Variants in WDR49 observed in about 807,000 individuals in gnomAD.
WDR49 encodes cilia- and flagella-associated protein 337.
In WDR49, 107 loss-of-function variants were observed where a neutral mutation model predicts 119.5. The ratio of observed to expected loss-of-function variants is 0.90; its 90% confidence interval spans 0.77 to 1.05. The LOEUF (loss-of-function observed/expected upper bound fraction) is 1.05, where lower values mean the gene tolerates loss of function less well. Among genes scored for constraint, WDR49 ranks in the 50% least tolerant of loss-of-function variants. The pLI is 0.00. For missense variants in WDR49, 1,240 were observed against 1,220.5 expected (o/e 1.02, Z -0.24); for synonymous variants, 425 against 418.8 (o/e 1.01, Z -0.18).
In WDR49 at chr3:167,643,382, G is replaced by T. The variant is rs538410409; in HGVS notation, c.165+9879C>A. ...AATCAGAAAATCCAGATAATGGGATGTTCTAAGTAACTGGCATGAATTCTT... is the reference window on the plus strand; with the variant it reads ...AATCAGAAAATCCAGATAATGGGATTTTCTAAGTAACTGGCATGAATTCTT... On this transcript the variant is annotated intron_variant, in intron 2 of 18. Transcript: ENST00000682715. Among the ~76,000 whole-genome samples the T allele has an allele frequency of 1.3e-3, 200 of 152,204 alleles. 2 individuals are homozygous for T. The highest frequency in any genetic ancestry group is 4.7e-3 in the African/African-American group (195 of 41,550).
At chr3:167,502,479 A>G (rs1751610587) in intron 17 of WDR49, among the ~76,000 whole-genome samples, 1 of 152,178 alleles carries the variant, frequency 6.6e-6, no homozygotes, top group African/African-American at 2.4e-5. Flanking sequence ...AGACAGGAAG[A>G]TGAGGGGAAT....
intron 7 of WDR49, among the ~76,000 whole-genome samples, chr3:167,595,623 A>G (rs1010582486): frequency 6.6e-5 from 10 of 152,346 alleles, no homozygotes; most frequent in Non-Finnish European, 1.5e-4. Flanking sequence ...TGGGGAAAGG[A>G]TTCCCTATTT....
chr3:167,645,948 G>A (rs1718102919), intron 2 of WDR49, among the ~76,000 whole-genome samples: 1 of 152,180 alleles, frequency 6.6e-6, no homozygotes, highest in Non-Finnish European at 1.5e-5. Flanking sequence ...AATCCCGCCT[G>A]CATGGTAAGA....
At chr3:167,657,625 G>A (rs1322746853), upstream of WDR49, among the ~76,000 whole-genome samples, 3 of 147,400 alleles carry the variant, frequency 2.0e-5, no homozygotes, top group East Asian at 6.0e-4. Flanking sequence ...CATTCACACT[G>A]AAGCCTGTTC....
chr3:167,565,380 T>TACAC (rs112641739), intron 8 of WDR49, among the ~76,000 whole-genome samples: 2,953 of 128,964 alleles, frequency 0.023, 45 homozygotes, highest in East Asian at 0.057. Context: ...CATATCTATC[T>TACAC]ACACACACAC....
At chr3:167,564,153 T>G (rs1713444099) in intron 8 of WDR49, among the ~76,000 whole-genome samples, 1 of 152,240 alleles carries the variant, frequency 6.6e-6, no homozygotes, top group Non-Finnish European at 1.5e-5. Flanking sequence ...TTTGTCACCT[T>G]TCTCTGCTTA....
At chr3:167,585,391 CGTGTGTGTGTGTGTGTGT>C (rs59424091) in intron 7 of WDR49, among the ~76,000 whole-genome samples, 1 of 137,388 alleles carries the variant, frequency 7.3e-6, no homozygotes, top group Admixed American at 7.4e-5. Context: ...TAAAAGGGTG[CGTGTGTGTGTGTGTGTGT>C]GTGTGTGTGT....
chr3:167,546,150 T>A (rs1444649688), intron 10 of WDR49, among the ~76,000 whole-genome samples: 1 of 151,866 alleles, frequency 6.6e-6, no homozygotes, highest in Non-Finnish European at 1.5e-5. Context: ...AAATTCAACA[T>A]CTAATGTCTT....
intron 7 of WDR49, among the ~76,000 whole-genome samples, chr3:167,595,317 C>T (rs1715359155): frequency 6.6e-6 from 1 of 152,244 alleles, no homozygotes; most frequent in Middle Eastern, 3.4e-3. Flanking sequence ...AGATTCAATG[C>T]CATCCCCATC....
chr3:167,480,904 G>C (rs1003262818), intron 18 of WDR49, among the ~76,000 whole-genome samples: 9 of 152,128 alleles, frequency 5.9e-5, no homozygotes, highest in African/African-American at 2.2e-4. Context: ...AGCTCTCTGG[G>C]ACCTGGTTTG....
chr3:167,576,183 T>C, intron 7 of WDR49, 32 bp from the exon 8 acceptor site: 1 of 1,582,116 alleles, frequency 6.3e-7, no homozygotes, highest in Non-Finnish European at 8.6e-7. Context: ...CATTTCAATA[T>C]GTCAAAGATA....
chr3:167,656,362 T>C (rs1464677693), upstream of WDR49, among the ~76,000 whole-genome samples: 1 of 152,218 alleles, frequency 6.6e-6, no homozygotes, highest in Non-Finnish European at 1.5e-5. Flanking sequence ...TAAATGTTTG[T>C]AAAATGTTTT....
chr3:167,649,012 T>G (rs1043201156), intron 2 of WDR49, among the ~76,000 whole-genome samples: 1 of 152,046 alleles, frequency 6.6e-6, no homozygotes, highest in Non-Finnish European at 1.5e-5. Flanking sequence ...TAAGAAAAAA[T>G]TTTAAATGAA....
intron 2 of WDR49, among the ~76,000 whole-genome samples, chr3:167,644,981 A>C (rs1443057268): frequency 6.6e-6 from 1 of 151,974 alleles, no homozygotes; most frequent in Non-Finnish European, 1.5e-5. Context: ...GAATACATAA[A>C]ATATAATATA....
At chr3:167,632,158 C>T (rs945531615) in intron 2 of WDR49, among the ~76,000 whole-genome samples, 25 of 151,968 alleles carry the variant, frequency 1.6e-4, no homozygotes, top group African/African-American at 5.8e-4. Flanking sequence ...TAGATTGTCT[C>T]GTCAATAAAA....
chr3:167,585,707 A>C (rs182786975), intron 7 of WDR49, among the ~76,000 whole-genome samples: 1 of 152,014 alleles, frequency 6.6e-6, no homozygotes, highest in East Asian at 1.9e-4. Flanking sequence ...GATAATATAT[A>C]TAATAACATT....
At chr3:167,587,937 C>T (rs1470264228) in intron 7 of WDR49, among the ~76,000 whole-genome samples, 1 of 152,104 alleles carries the variant, frequency 6.6e-6, no homozygotes, top group East Asian at 1.9e-4. Flanking sequence ...AGCATTTATC[C>T]TGTGTGTTAC....
chr3:167,482,680 A>G (rs77444848), intron 18 of WDR49, among the ~76,000 whole-genome samples: 6 of 143,086 alleles, frequency 4.2e-5, no homozygotes, highest in African/African-American at 1.6e-4. Context: ...CTCTGTCTCA[A>G]AAAAAAAAAA....
chr3:167,569,579 C>G (rs1041609852), intron 8 of WDR49, among the ~76,000 whole-genome samples: 2 of 151,600 alleles, frequency 1.3e-5, no homozygotes, highest in African/African-American at 4.9e-5. Context: ...TGCCTGTAAT[C>G]CCAGCTACTC....
Sources: gnomAD v4.1 joint callset for allele counts (sites outside exome capture counted in the v4.1 genomes callset) on GRCh38, gnomAD v4.1.1 for gene constraint, MANE v1.5 for transcripts, NCBI Gene and HGNC (gene_info 2026-07-23, HGNC 2026-07-21) for gene names.